Variants in BCAS3 observed in about 807,000 individuals in gnomAD.
The protein encoded by BCAS3 is BCAS3 microtubule associated cell migration factor.
In BCAS3, 53 loss-of-function variants were observed where a neutral mutation model predicts 116.1. That is an observed-to-expected ratio of 0.46 (90% CI 0.37 to 0.57). BCAS3 has a LOEUF of 0.57. Among genes scored for constraint, BCAS3 ranks in the 20% least tolerant of loss-of-function variants. The probability of loss-of-function intolerance (pLI) is 0.00; values close to 1 mark genes in which losing one functional copy is unlikely to be tolerated. For synonymous variants in BCAS3, 391 were observed against 408.2 expected (o/e 0.96, Z 0.51); for missense variants, 917 against 1,165.4 (o/e 0.79, Z 3.10).
intron 2 of BCAS3, among the ~76,000 whole-genome samples, chr17:60,683,608 G>A (rs916835751): frequency 1.1e-4 from 16 of 140,442 alleles, no homozygotes; most frequent in Non-Finnish European, 1.8e-4. Flanking sequence ...GAGGCGGGAG[G>A]ATCGCTTGAG....
intron 15 of BCAS3, among the ~76,000 whole-genome samples, chr17:61,003,004 A>G (rs1346678759): frequency 6.6e-6 from 1 of 151,900 alleles, no homozygotes; most frequent in African/African-American, 2.4e-5. Flanking sequence ...GAAAGGAGGC[A>G]CTTTTTGGCC....
intron 5 of BCAS3, among the ~76,000 whole-genome samples, chr17:60,725,531 A>C (rs1180869384): frequency 6.6e-6 from 1 of 152,162 alleles, no homozygotes; most frequent in Admixed American, 6.5e-5. Context: ...AAAGGTCACT[A>C]AATATTTGCA....
intron 7 of BCAS3, 28 bp from the exon 8 acceptor site, chr17:60,868,548 A>T: frequency 7.1e-7 from 1 of 1,412,028 alleles, no homozygotes; most frequent in Non-Finnish European, 9.6e-7. Flanking sequence ...TAAAAAAATG[A>T]CATTTTTCTT....
rs1235107000 is a variant in BCAS3 at position 61,095,358 on chromosome 17, G to C, written c.2425+10794G>C. 6.6e-6 allele frequency among the ~76,000 whole-genome samples: 1 copy of C among 152,140 alleles called. No homozygotes were observed. The highest frequency in any genetic ancestry group is 1.5e-5 in the Non-Finnish European group (1 of 68,024). Reference sequence around the variant, plus strand: ...AGAATGTAATTGATATTTCTACATAGAGGCTTTATCATTGTTTTTAAATTA... The same window carrying C: ...AGAATGTAATTGATATTTCTACATACAGGCTTTATCATTGTTTTTAAATTA... On this transcript the variant is annotated intron_variant, in intron 22 of 23. Transcript: ENST00000407086. The surrounding 1 kb of genome is among the most constrained non-coding windows in gnomAD (Gnocchi z 4.7).
At chr17:61,250,585 G>T (rs1208307772) in intron 22 of BCAS3, among the ~76,000 whole-genome samples, 1 of 152,198 alleles carries the variant, frequency 6.6e-6, no homozygotes, top group Non-Finnish European at 1.5e-5. Context: ...TTTGAGATAA[G>T]GAAGATGATT....
chr17:60,879,140 G>T (rs1451043441), intron 9 of BCAS3, among the ~76,000 whole-genome samples: 2 of 152,066 alleles, frequency 1.3e-5, no homozygotes, highest in African/African-American at 4.8e-5. Flanking sequence ...AGCATTTGTG[G>T]TAGTTCATTT....
At chr17:61,389,076 G>A (rs1245649177) in intron 23 of BCAS3, 5 of 244,334 alleles carry the variant, frequency 2.0e-5, no homozygotes, top group East Asian at 1.0e-4. Context: ...GAACCCCCCC[G>A]AGGGGGTCTC....
At chr17:60,982,081 A>T (rs1171391290) in intron 14 of BCAS3, among the ~76,000 whole-genome samples, 1 of 152,194 alleles carries the variant, frequency 6.6e-6, no homozygotes, top group African/African-American at 2.4e-5. Flanking sequence ...GTATATTTGC[A>T]TTAAGAGTTG....
At chr17:61,045,862 TATA>T (rs1262665710) in intron 19 of BCAS3, among the ~76,000 whole-genome samples, 3 of 6,518 alleles carry the variant, frequency 4.6e-4, no homozygotes, top group South Asian at 3.1e-3. Context: ...TATATATATA[TATA>T]AATATATATA....
chr17:60,977,314 G>C (rs2062467693), intron 14 of BCAS3, among the ~76,000 whole-genome samples: 2 of 151,916 alleles, frequency 1.3e-5, no homozygotes, highest in South Asian at 4.2e-4. Context: ...CAAGTGATTG[G>C]GACTATAGGC....
rs1030766486 is a variant in BCAS3 at position 61,381,393 on chromosome 17, G to A, written c.2594-10584G>A. On this transcript the variant is annotated intron_variant, in intron 23 of 23. Transcript: ENST00000407086. This position sits in a 1 kb window ranked among gnomAD's most constrained non-coding sequence, Gnocchi z 6.0. Reference sequence around the variant, plus strand: ...GGCCGTTTCCATCTGGACGGGCGGCGGCACCACCACAATTAGCTGAGACTG... The same window carrying A: ...GGCCGTTTCCATCTGGACGGGCGGCAGCACCACCACAATTAGCTGAGACTG... 6.6e-6 allele frequency among the ~76,000 whole-genome samples: 1 copy of A among 152,118 alleles called. No homozygotes were observed. Among genetic ancestry groups the A allele is most frequent in the Non-Finnish European group, 1.5e-5 (1 of 68,036 alleles).
rs562985408 is a variant in BCAS3 at position 61,126,944 on chromosome 17, C to A, written c.2425+42380C>A. Among the ~76,000 whole-genome samples the A allele has an allele frequency of 1.3e-5, 2 of 151,990 alleles. No homozygotes were observed. Among genetic ancestry groups the A allele is most frequent in the African/African-American group, 4.8e-5 (2 of 41,380 alleles). Reference sequence around the variant, plus strand: ...TTTCTTTCTGGGTTATTTTTCCAAGCGGGTAGTAGAACGCCCAAGGTTATA... The same window carrying A: ...TTTCTTTCTGGGTTATTTTTCCAAGAGGGTAGTAGAACGCCCAAGGTTATA... On this transcript the variant is annotated intron_variant, in intron 22 of 23. Transcript: ENST00000407086. The surrounding 1 kb of genome is among the most constrained non-coding windows in gnomAD (Gnocchi z 4.6).
rs568171654 is a variant in BCAS3, at chr17:60,739,116, C to T, written c.322-8082C>T. On this transcript the variant is annotated intron_variant, in intron 5 of 23. Coordinates refer to ENST00000407086, the MANE Select transcript of BCAS3 (RefSeq NM_017679.5). ...ATGCCCACTTTCAAATAACACTATA[C>T]TGCTTCATGGGTAGTGCAATACCTA... Among the ~76,000 whole-genome samples the T allele has an allele frequency of 1.5e-4, 23 of 152,268 alleles. No individual in the cohort carries two copies. The South Asian group carries it at 4.8e-3, about 32-fold the overall frequency.
chr17:60,984,727 T>C (rs1401983266), intron 14 of BCAS3, among the ~76,000 whole-genome samples: 2 of 152,034 alleles, frequency 1.3e-5, no homozygotes, highest in Non-Finnish European at 2.9e-5. Flanking sequence ...TGTTTTGTTT[T>C]ATCCAGGCAC....
chr17:60,903,411 T>C (rs778794614), intron 11 of BCAS3, among the ~76,000 whole-genome samples: 45 of 152,256 alleles, frequency 3.0e-4, no homozygotes, highest in Non-Finnish European at 5.1e-4. Flanking sequence ...CTTGGTTTGA[T>C]GAGAGAAGCA....
intron 22 of BCAS3, among the ~76,000 whole-genome samples, chr17:61,209,898 G>A (rs552086971): frequency 1.3e-5 from 2 of 152,236 alleles, no homozygotes; most frequent in South Asian, 2.1e-4. Context: ...TCTGTCATCC[G>A]CCCAATATTC....
At chr17:61,070,387 A>ATATATATATATATC (rs2071277207) in intron 19 of BCAS3, 1 of 161,226 alleles carries the variant, frequency 6.2e-6, no homozygotes, top group African/African-American at 3.3e-5. Context: ...ATATATATAT[A>ATATATATATATATC]TATATATATA....
chr17:60,835,125 A>G (rs1487060578), intron 7 of BCAS3, among the ~76,000 whole-genome samples: 1 of 152,010 alleles, frequency 6.6e-6, no homozygotes, highest in African/African-American at 2.4e-5. Context: ...GGAAAGTACA[A>G]TAGAATCTTC....
intron 5 of BCAS3, 63 bp downstream of exon 5, chr17:60,709,388 C>A (rs918314683): frequency 1.4e-5 from 15 of 1,049,506 alleles, no homozygotes; most frequent in Non-Finnish European, 2.2e-5. Context: ...TATGTGAAAT[C>A]TGTAGATACT....
Sources: gnomAD v4.1 joint callset for allele counts (sites outside exome capture counted in the v4.1 genomes callset) on GRCh38, gnomAD v4.1.1 for gene constraint, Gnocchi (gnomAD v3.1) non-coding constraint, MANE v1.5 for transcripts, NCBI Gene and HGNC (gene_info 2026-07-23, HGNC 2026-07-21) for gene names.